The following ASB4 variants were observed in gnomAD, a reference collection of about 807,000 sequenced individuals.
ASB4 encodes ankyrin repeat and SOCS box containing 4.
ASB4 carries 35 observed loss-of-function variants against 38.6 expected under a neutral mutation model. The observed-to-expected ratio is 0.91, with a 90% CI of 0.69 to 1.20. ASB4 has a LOEUF of 1.20. Among genes scored for constraint, ASB4 ranks in the 50% most tolerant of loss-of-function variants. ASB4 has a pLI of 0.00. For missense variants in ASB4, 557 were observed against 527.2 expected (o/e 1.06, Z -0.55); for synonymous variants, 195 against 201.3 (o/e 0.97, Z 0.26).
In ASB4 at chr7:95,537,702, C is replaced by T. The variant is rs770461882; in HGVS notation, c.1224C>T (p.Ser408=). The T allele has an allele frequency of 1.2e-6, 2 of 1,613,890 alleles. No homozygotes were observed. The highest frequency in any genetic ancestry group is 4.5e-5 in the East Asian group (2 of 44,872). Residue 408 remains serine (S), a synonymous_variant, in exon 5 of 5, where the codon TCC becomes TCT. Coordinates refer to ENST00000325885, the MANE Select transcript of ASB4 (RefSeq NM_016116.3). ...NRCHRAIPLL[S]LPLSLKKYLL... is the part of the protein sequence containing the mutation. Reference sequence around the variant, plus strand: ...GCCATAGAGCAATTCCTTTGCTTTCCCTCCCATTGTCATTGAAAAAGTACT... The same window carrying T: ...GCCATAGAGCAATTCCTTTGCTTTCTCTCCCATTGTCATTGAAAAAGTACT...
intron 1 of ASB4, among the ~76,000 whole-genome samples, chr7:95,479,761 G>A (rs573585230): frequency 2.6e-5 from 4 of 152,284 alleles, no homozygotes; most frequent in African/African-American, 9.6e-5. Flanking sequence ...GTTTAGCTTT[G>A]AGAGAATTGG....
chr7:95,509,278 A>G (rs1015216868), intron 2 of ASB4, among the ~76,000 whole-genome samples: 1 of 152,162 alleles, frequency 6.6e-6, no homozygotes. Context: ...TTAGGGAGTA[A>G]TTGGAAGGAG....
intron 2 of ASB4, among the ~76,000 whole-genome samples, chr7:95,503,070 G>C (rs1790363301): frequency 6.6e-6 from 1 of 152,142 alleles, no homozygotes; most frequent in African/African-American, 2.4e-5. Context: ...AATTATATGT[G>C]ACTATGCATA....
At chr7:95,521,842 T>A (rs936210490) in intron 2 of ASB4, among the ~76,000 whole-genome samples, 5 of 152,014 alleles carry the variant, frequency 3.3e-5, no homozygotes, top group African/African-American at 9.7e-5. Context: ...AACAAAAATT[T>A]ACCAAGCAAT....
chr7:95,523,402 G>T lies in ASB4; in HGVS notation c.488-4411G>T, dbSNP rs1790689787. ...GCCGAACGATTTCACCTAATAAAGA[G>T]ACAATGAACTAAATTTGGACAATTA... On this transcript the variant is annotated intron_variant, in intron 2 of 4. Coordinates refer to ENST00000325885, the MANE Select transcript of ASB4 (RefSeq NM_016116.3). Among the ~76,000 whole-genome samples the T allele has an allele frequency of 2.6e-5, 4 of 152,092 alleles. No individual in the cohort carries two copies. In the South Asian group the frequency reaches 8.3e-4, roughly 32 times the overall value.
At chr7:95,501,136 AT>A (rs1373235501) in intron 2 of ASB4, among the ~76,000 whole-genome samples, 5 of 152,196 alleles carry the variant, frequency 3.3e-5, no homozygotes, top group African/African-American at 4.8e-5. Context: ...TAATTAAAAC[AT>A]TTTTTGTCTC....
At chr7:95,503,183 T>C (rs1790364521) in intron 2 of ASB4, among the ~76,000 whole-genome samples, 1 of 152,234 alleles carries the variant, frequency 6.6e-6, no homozygotes, top group Non-Finnish European at 1.5e-5. Context: ...TTTAGATCCT[T>C]GCTGCTAGAA....
chr7:95,533,573 G>C (rs1584096029), intron 3 of ASB4, among the ~76,000 whole-genome samples: 1 of 152,166 alleles, frequency 6.6e-6, no homozygotes, highest in East Asian at 1.9e-4. Context: ...TGACCCCCTT[G>C]ATAATCTCAC....
upstream of ASB4, among the ~76,000 whole-genome samples, chr7:95,484,932 C>T (rs1051686801): frequency 1.3e-5 from 2 of 150,574 alleles, no homozygotes; most frequent in Non-Finnish European, 2.9e-5. Context: ...CACTTGCTAT[C>T]TCTCTGTTTC....
At chr7:95,496,091 G>A in intron 2 of ASB4, 34 bp downstream of exon 2, 1 of 1,580,502 alleles carries the variant, frequency 6.3e-7, no homozygotes, top group Non-Finnish European at 8.6e-7. Context: ...ATTGTTGTCT[G>A]CTTGTACACT....
At chr7:95,476,543 A>G (rs1789979034), upstream of ASB4, among the ~76,000 whole-genome samples, 1 of 152,230 alleles carries the variant, frequency 6.6e-6, no homozygotes, top group Admixed American at 6.5e-5. Context: ...AGACACTAGA[A>G]AAGACCAGGG....
chr7:95,549,129 G>A, the ASB4 span, among the ~76,000 whole-genome samples: 1 of 152,054 alleles, frequency 6.6e-6, no homozygotes, highest in Non-Finnish European at 1.5e-5. Flanking sequence ...GGGATGTCCA[G>A]TAAATCCCTG....
chr7:95,522,737 A>G (rs370883820), intron 2 of ASB4, among the ~76,000 whole-genome samples: 38 of 152,178 alleles, frequency 2.5e-4, no homozygotes, highest in African/African-American at 8.9e-4. Flanking sequence ...TGAAATTCTT[A>G]TCTTATCTGT....
intron 1 of ASB4, among the ~76,000 whole-genome samples, chr7:95,492,596 TG>T (rs1272788726): frequency 6.6e-6 from 1 of 152,204 alleles, no homozygotes; most frequent in Non-Finnish European, 1.5e-5. Flanking sequence ...TAACATTCTG[TG>T]TTTCTTTGAT....
intron 3 of ASB4, among the ~76,000 whole-genome samples, chr7:95,534,076 G>C (rs1340107989): frequency 6.6e-6 from 1 of 152,164 alleles, no homozygotes; most frequent in Non-Finnish European, 1.5e-5. Context: ...TGGGCGCGGT[G>C]GCTTACACCT....
intron 2 of ASB4, among the ~76,000 whole-genome samples, chr7:95,522,746 G>C (rs1332825395): frequency 6.6e-6 from 1 of 152,080 alleles, no homozygotes; most frequent in Non-Finnish European, 1.5e-5. Flanking sequence ...TATCTTATCT[G>C]TCCTGTTCAT....
intron 2 of ASB4, among the ~76,000 whole-genome samples, chr7:95,517,977 G>A (rs1296282192): frequency 6.6e-6 from 1 of 152,170 alleles, no homozygotes. Flanking sequence ...TACTTGTGGA[G>A]CAATGTTCTA....
intron 2 of ASB4, among the ~76,000 whole-genome samples, chr7:95,518,023 G>A (rs1193647326): frequency 1.3e-5 from 2 of 152,328 alleles, no homozygotes; most frequent in African/African-American, 4.8e-5. Flanking sequence ...AGAGGAAGGT[G>A]TTGGTCTTAA....
chr7:95,473,674 C>G (rs916082932), upstream of ASB4: 3 of 151,360 alleles, frequency 2.0e-5, no homozygotes, highest in Non-Finnish European at 4.4e-5. Flanking sequence ...GAATAATCAG[C>G]CTCTTCATGT....
Sources: gnomAD v4.1 joint callset for allele counts (sites outside exome capture counted in the v4.1 genomes callset) on GRCh38, gnomAD v4.1.1 for gene constraint, MANE v1.5 for transcripts, NCBI Gene and HGNC (gene_info 2026-07-23, HGNC 2026-07-21) for gene names.